ZNF595: variants seen among roughly 807,000 people sequenced by gnomAD.
The protein encoded by ZNF595 is zinc finger protein 595.
ZNF595 carries 9 observed loss-of-function variants against 19.4 expected under a neutral mutation model. The ratio of observed to expected loss-of-function variants is 0.46; its 90% confidence interval spans 0.28 to 0.81. The LOEUF (loss-of-function observed/expected upper bound fraction) is 0.81. Ranked by LOEUF, ZNF595 falls within the 30% of genes least tolerant of loss-of-function variation. ZNF595 has a pLI of 0.11. For missense variants in ZNF595, 729 were observed against 736.0 expected (o/e 0.99, Z 0.11); for synonymous variants, 255 against 255.9 (o/e 1.00, Z 0.03).
chr4:79,675 G>GTT (rs202205324), intron 3 of ZNF595, among the ~76,000 whole-genome samples: 19,266 of 127,246 alleles, frequency 0.15, 1,549 homozygotes, highest in South Asian at 0.26. Flanking sequence ...CAGCTTTGTT[G>GTT]TTTTTTTTTT....
chr4:81,545 A>G (rs1158325257), intron 3 of ZNF595, among the ~76,000 whole-genome samples: 1 of 151,958 alleles, frequency 6.6e-6, no homozygotes, highest in Non-Finnish European at 1.5e-5. Flanking sequence ...ATTATTTTTG[A>G]TTGTCAACAC....
At chr4:83,300 A>G (rs1194468457) in intron 3 of ZNF595, among the ~76,000 whole-genome samples, 10 of 151,974 alleles carry the variant, frequency 6.6e-5, no homozygotes, top group African/African-American at 2.4e-4. Flanking sequence ...TCCTTTAATC[A>G]TTAGATCTCA....
At chr4:79,711 C>T (rs1553799497) in intron 3 of ZNF595, among the ~76,000 whole-genome samples, 1 of 135,814 alleles carries the variant, frequency 7.4e-6, no homozygotes, top group Non-Finnish European at 1.6e-5. Context: ...CTCAGGATTA[C>T]TTTGGGTATT....
At chr4:66,644 C>G (rs1206866411) in intron 3 of ZNF595, among the ~76,000 whole-genome samples, 1 of 151,382 alleles carries the variant, frequency 6.6e-6, no homozygotes, top group Non-Finnish European at 1.5e-5. Context: ...AGGATCCAAC[C>G]TCAGTTTTTT....
intron 3 of ZNF595, among the ~76,000 whole-genome samples, chr4:79,176 C>T (rs1415274658): frequency 1.3e-5 from 2 of 151,968 alleles, no homozygotes; most frequent in African/African-American, 2.4e-5. Context: ...TTTTATAATT[C>T]TTCTCAGTGT....
chr4:85,669 T>G, intron 3 of ZNF595, 62 bp from the exon 4 acceptor site: 1 of 1,483,314 alleles, frequency 6.7e-7, no homozygotes, highest in East Asian at 2.3e-5. Flanking sequence ...GATATTACAT[T>G]CGTAAAGTAT....
At chr4:65,133 T>C (rs1297889755) in intron 3 of ZNF595, among the ~76,000 whole-genome samples, 1 of 147,846 alleles carries the variant, frequency 6.8e-6, no homozygotes, top group South Asian at 2.2e-4. Context: ...CAGAACTGCT[T>C]TGTAATCTTC....
intron 3 of ZNF595, among the ~76,000 whole-genome samples, chr4:83,279 C>T (rs1429463552): frequency 2.0e-5 from 3 of 151,878 alleles, no homozygotes; most frequent in African/African-American, 7.3e-5. Context: ...TTCATCTTGC[C>T]TTTTTCAGTC....
chr4:63,007 G>T (rs1262185478), intron 3 of ZNF595, among the ~76,000 whole-genome samples: 1 of 56,550 alleles, frequency 1.8e-5, no homozygotes, highest in Non-Finnish European at 3.1e-5. Context: ...TTATGGTATA[G>T]TCTAATTTTA....
rs1714284788 is a variant in ZNF595 at position 87,562 on chromosome 4, T to A, written c.*111T>A. On this transcript the variant is annotated 3_prime_UTR_variant, in exon 4 of 4. Coordinates refer to ENST00000610261, the MANE Select transcript of ZNF595 (RefSeq NM_182524.4). ...TTTTCTTATTTTAAATTTTTTAAAA[T>A]TTCTGTAGGTACATAGTATGTGTAT... 1 of 1,020,024 alleles carries A rather than the reference T, an allele frequency of 9.8e-7. No individual in the cohort carries two copies. 63.2% of individuals were successfully genotyped at this position (1,020,024 alleles called of 1,614,324 possible).
chr4:62,008 T>C (rs1218438038), intron 3 of ZNF595, among the ~76,000 whole-genome samples: 12 of 118,814 alleles, frequency 1.0e-4, no homozygotes, highest in African/African-American at 4.9e-4. Context: ...AGATAACCAT[T>C]TTTTTTTTTG....
chr4:54,790 G>C, intron 1 of ZNF595, among the ~76,000 whole-genome samples: 1 of 152,378 alleles, frequency 6.6e-6, no homozygotes, highest in Non-Finnish European at 1.5e-5. Context: ...AATCCCTTCT[G>C]TCTTTGTAGA....
Position 87,541 on chromosome 4 carries a change from CTTATT to C in ZNF595, c.*94_*98del. On this transcript the variant is annotated 3_prime_UTR_variant, in exon 4 of 4. Coordinates refer to ENST00000610261, the MANE Select transcript of ZNF595 (RefSeq NM_182524.4). The stretch of plus-strand genomic sequence containing the variant: ...TCCCATATAAACTTGTATTATTTTT[CTTATT>C]TTAAATTTTTTAAAATTTCTGTAGG... 2.4e-6 allele frequency: 3 copies of C among 1,268,254 alleles called. No individual in the cohort carries two copies. Among genetic ancestry groups the C allele is most frequent in the South Asian group, 2.3e-5 (1 of 44,106 alleles). The allele number at this position is 1,268,254 out of a possible 1,614,324, so 78.6% of individuals were successfully genotyped here. A position where few individuals can be genotyped will look rare whatever the true frequency, so the allele number is the denominator to read the frequency against.
chr4:86,397 G>T lies in ZNF595; in HGVS notation c.893G>T (p.Ser298Ile). 6.2e-7 allele frequency: 1 copy of T among 1,609,608 alleles called. No individual in the cohort carries two copies. Residue 298 changes from serine to isoleucine, a missense_variant, in exon 4 of 4, where the codon AGC (serine) becomes ATC (isoleucine). Physicochemically the swap from Ser to Ile is moderately radical, Grantham distance 142 (BLOSUM62 -2). Coordinates refer to ENST00000610261, the MANE Select transcript of ZNF595 (RefSeq NM_182524.4). The part of the protein sequence containing the change: ...ECGKAFRWST[S>I]LNEHKNIHTG... The stretch of plus-strand genomic sequence containing the variant: ...GGCAAAGCCTTTAGATGGTCCACAA[G>T]CCTGAATGAACATAAGAATATTCAT...
In ZNF595 at chr4:86,892, G is replaced by T. The variant is rs372905683; in HGVS notation, c.1388G>T (p.Arg463Leu). 2.5e-6 allele frequency: 4 copies of T among 1,610,896 alleles called. No individual in the cohort carries two copies. Among genetic ancestry groups the T allele is most frequent in the Non-Finnish European group, 3.4e-6 (4 of 1,178,460 alleles). Residue 463 changes from arginine (R) to leucine (L), a missense_variant, in exon 4 of 4, where the codon CGG becomes CTG. Arg to Leu is a moderately radical substitution (Grantham distance 102). Around this residue, in one of 2 missense-constraint regions of ZNF595, gnomAD observed 729 missense variants for 675.3 expected, o/e 1.08. Transcript: ENST00000610261. The stretch of plus-strand genomic sequence containing the variant: ...GAAGAATGTGGCAAAGCCTTTACAC[G>T]GTCCACAACACTGAACGAACATAAG... Reference protein sequence around the residue: ...KCEECGKAFTRSTTLNEHKKI... With the variant: ...KCEECGKAFTLSTTLNEHKKI...
chr4:61,076 G>T (rs1581322757), intron 3 of ZNF595, among the ~76,000 whole-genome samples: 49 of 147,226 alleles, frequency 3.3e-4, no homozygotes, highest in Non-Finnish European at 6.1e-4. Flanking sequence ...CCACAGATAA[G>T]CAAAAACGTC....
chr4:82,372 G>GTTTTTTTTTT (rs34932652), intron 3 of ZNF595, among the ~76,000 whole-genome samples: 5 of 85,920 alleles, frequency 5.8e-5, no homozygotes, highest in African/African-American at 8.7e-5. Flanking sequence ...TTGGTTTGTG[G>GTTTTTTTTTT]TTTTTTTTTT....
At chr4:84,837 T>G (rs2108762931) in intron 3 of ZNF595, among the ~76,000 whole-genome samples, 1 of 152,332 alleles carries the variant, frequency 6.6e-6, no homozygotes, top group South Asian at 2.1e-4. Context: ...TAGTTGTATG[T>G]GTTCCCCTTT....
chr4:80,819 T>C (rs1553799752), intron 3 of ZNF595, among the ~76,000 whole-genome samples: 2 of 150,826 alleles, frequency 1.3e-5, no homozygotes, highest in African/African-American at 4.9e-5. Flanking sequence ...AGGCTTGGGC[T>C]CAGAGGCCTG....
Sources: allele counts gnomAD v4.1 joint callset (sites outside exome capture counted in the v4.1 genomes callset), GRCh38; gene constraint gnomAD v4.1.1; regional missense constraint gnomAD v4.1.1; transcripts MANE v1.5; gene names NCBI Gene and HGNC (gene_info 2026-07-23, HGNC 2026-07-21).